The following CLOCK variants were observed in gnomAD, a reference collection of about 807,000 sequenced individuals.
CLOCK encodes circadian locomoter output cycles protein kaput.
A neutral mutation model predicts 118.4 loss-of-function variants in CLOCK; 43 were observed. That is an observed-to-expected ratio of 0.36 (90% CI 0.28 to 0.47). The LOEUF (loss-of-function observed/expected upper bound fraction) is 0.47. CLOCK is among the 20% of genes least tolerant of loss of function. CLOCK has a pLI of 1.00. For synonymous variants in CLOCK, 326 were observed against 339.2 expected, an observed-to-expected ratio of 0.96 and a Z score of 0.43; for missense variants, 846 against 999.9, an observed-to-expected ratio of 0.85 and a Z score of 2.08.
At chr4:55,502,651 C>T (rs994661216) in intron 2 of CLOCK, among the ~76,000 whole-genome samples, 1 of 152,004 alleles carries the variant, frequency 6.6e-6, no homozygotes, top group Non-Finnish European at 1.5e-5. Context: ...ACATAAAAAG[C>T]GTTAACCATA....
chr4:55,509,746 T>C (rs930490959), intron 2 of CLOCK, among the ~76,000 whole-genome samples, 166 bp downstream of exon 2: 5 of 152,232 alleles, frequency 3.3e-5, no homozygotes, highest in Admixed American at 2.6e-4. Context: ...TAAATAACCT[T>C]CTTACTCCTC....
intron 8 of CLOCK, among the ~76,000 whole-genome samples, chr4:55,466,893 A>C (rs62303715): frequency 0.16 from 24,795 of 152,202 alleles, 2,540 homozygotes; most frequent in Non-Finnish European, 0.21. Context: ...AGGAAATATA[A>C]GTTCTGCTGA....
intron 7 of CLOCK, among the ~76,000 whole-genome samples, chr4:55,473,353 T>C (rs766729822): frequency 2.0e-5 from 3 of 152,232 alleles, no homozygotes; most frequent in Non-Finnish European, 2.9e-5. Flanking sequence ...ATAAGAGTAT[T>C]GTAAGGATTC....
In CLOCK at chr4:55,512,667, C is replaced by T. The variant is rs968838192; in HGVS notation, c.-289-2602G>A. The stretch of plus-strand genomic sequence containing the variant: ...ACCCAGTCATCTAGATATTCTCTTA[C>T]GTTATCTTCTAGGAGTTTTATACTT... On this transcript the variant is annotated intron_variant, in intron 1 of 22. Coordinates refer to ENST00000513440, the MANE Select transcript of CLOCK (RefSeq NM_004898.4). 4.6e-5 allele frequency among the ~76,000 whole-genome samples: 7 copies of T among 152,236 alleles called. No homozygotes were observed. In the East Asian group the frequency reaches 7.7e-4, roughly 17 times the overall value.
chr4:55,483,693 GTT>G (rs1371668935), intron 3 of CLOCK, among the ~76,000 whole-genome samples: 1 of 152,150 alleles, frequency 6.6e-6, no homozygotes, highest in African/African-American at 2.4e-5. Context: ...AAACTAAGAG[GTT>G]TAGCATTTTC....
chr4:55,442,572 G>C lies in CLOCK; in HGVS notation c.1965C>G (p.Ser655Arg). 6.2e-7 allele frequency: 1 copy of C among 1,612,238 alleles called. No homozygotes were observed. ...QQTSLPSQTQ[S>R]TLTAPLYNTM... ...TGTTATACAGTGGGGCTGTAAGAGT[G>C]CTCTGTGTCTGACTGGGTAGAGATG... The change falls in exon 21 of 23, where the codon AGC (serine) becomes AGG (arginine). Residue 655 changes from serine (S) to arginine (R), a missense_variant. Ser to Arg is a moderately radical substitution (Grantham distance 110, BLOSUM62 -1). This residue lies in a region of CLOCK where 520 missense variants were observed against 558.0 expected (regional missense o/e 0.93). Transcript: ENST00000513440.
At chr4:55,534,832 A>G (rs1476227398) in intron 1 of CLOCK, among the ~76,000 whole-genome samples, 1 of 152,240 alleles carries the variant, frequency 6.6e-6, no homozygotes, top group African/African-American at 2.4e-5. Flanking sequence ...TCAAGGATCA[A>G]AGGACTCAAT....
chr4:55,465,342 G>A (rs766577490), intron 8 of CLOCK, among the ~76,000 whole-genome samples: 23 of 152,082 alleles, frequency 1.5e-4, no homozygotes, highest in Non-Finnish European at 3.1e-4. Context: ...ATGGATTTTG[G>A]TATCTGCAGC....
intron 7 of CLOCK, 151 bp from the exon 8 acceptor site, chr4:55,470,957 C>T (rs1726104725): frequency 3.2e-6 from 2 of 625,768 alleles, no homozygotes; most frequent in Non-Finnish European, 5.6e-6. Context: ...TTTACAATAC[C>T]TTGGTATGTA....
intron 2 of CLOCK, among the ~76,000 whole-genome samples, chr4:55,492,707 T>C (rs570670364): frequency 2.0e-5 from 3 of 152,004 alleles, no homozygotes; most frequent in Non-Finnish European, 4.4e-5. Flanking sequence ...TAGCTGGGCA[T>C]GGTGGCACAC....
At position 55,458,889 on chromosome 4, in the gene CLOCK, T is replaced by C; in HGVS notation, c.792+3A>G. ...CCTTTGGGAAATAAAATTAAAAACA[T>C]ACCTTGATGAACTGAGGTGTAGCTA... is the stretch of plus-strand genomic sequence containing the variant. On this transcript the variant is annotated splice_donor_region_variant and intron_variant, in intron 11 of 22. Coordinates refer to ENST00000513440, the MANE Select transcript of CLOCK (RefSeq NM_004898.4). 6.3e-7 allele frequency: 1 copy of C among 1,593,110 alleles called. No homozygotes were observed. The highest frequency in any genetic ancestry group is 8.6e-7 in the Non-Finnish European group (1 of 1,161,382).
chr4:55,537,947 T>C (rs1241543787), intron 1 of CLOCK, among the ~76,000 whole-genome samples: 1 of 151,840 alleles, frequency 6.6e-6, no homozygotes, highest in Non-Finnish European at 1.5e-5. Context: ...GGAAAGGAAA[T>C]AAAGACCAGG....
chr4:55,498,603 CTTATTATTA>C (rs56413931), intron 2 of CLOCK, among the ~76,000 whole-genome samples: 1 of 148,636 alleles, frequency 6.7e-6, no homozygotes, highest in Non-Finnish European at 1.5e-5. Context: ...TATCTAGTTC[CTTATTATTA>C]TTATTATTAT....
chr4:55,520,525 T>G (rs143490129), intron 1 of CLOCK, among the ~76,000 whole-genome samples: 258 of 152,342 alleles, frequency 1.7e-3, no homozygotes, highest in African/African-American at 6.0e-3. Flanking sequence ...CAAAACAGAC[T>G]GTTGACACAG....
At chr4:55,501,724 A>T (rs1246671185) in intron 2 of CLOCK, 1 of 152,202 alleles carries the variant, frequency 6.6e-6, no homozygotes, top group Non-Finnish European at 1.5e-5. Flanking sequence ...ACACTTTTTT[A>T]AACCTATTTT....
At chr4:55,440,986 C>G (rs1560414090) in intron 21 of CLOCK, among the ~76,000 whole-genome samples, 2 of 142,120 alleles carry the variant, frequency 1.4e-5, no homozygotes, top group African/African-American at 2.5e-5. Context: ...CAAAACAAAA[C>G]ACAACACAAC....
chr4:55,530,355 T>G (rs934904064), intron 1 of CLOCK, among the ~76,000 whole-genome samples: 1 of 152,110 alleles, frequency 6.6e-6, no homozygotes, highest in Admixed American at 6.6e-5. Context: ...GAGAATTAAT[T>G]TGAATTTAAA....
intron 22 of CLOCK, among the ~76,000 whole-genome samples, chr4:55,436,072 C>T (rs536187617): frequency 1.3e-5 from 2 of 152,270 alleles, no homozygotes; most frequent in African/African-American, 4.8e-5. Context: ...CAAACTTGGG[C>T]TGCCCTACTT....
intron 2 of CLOCK, among the ~76,000 whole-genome samples, chr4:55,495,455 G>A (rs1176146855): frequency 6.6e-6 from 1 of 152,092 alleles, no homozygotes; most frequent in Non-Finnish European, 1.5e-5. Flanking sequence ...ACCAAGCCCT[G>A]TTGGTGGGGT....
Sources: gnomAD v4.1 joint callset for allele counts (sites outside exome capture counted in the v4.1 genomes callset) on GRCh38, gnomAD v4.1.1 for gene constraint, gnomAD v4.1.1 regional missense constraint, MANE v1.5 for transcripts, NCBI Gene and HGNC (gene_info 2026-07-23, HGNC 2026-07-21) for gene names.